Variants in SAMD5 observed in about 807,000 individuals in gnomAD.
SAMD5 encodes the protein sterile alpha motif domain containing 5, also known as sterile alpha motif domain-containing protein 5.
SAMD5 carries 13 observed loss-of-function variants against 11.3 expected under a neutral mutation model. The ratio of observed to expected loss-of-function variants is 1.15; its 90% CI spans 0.75 to 1.83. The LOEUF is 1.83. Among genes scored for constraint, SAMD5 ranks in the 40% most tolerant of loss-of-function variants. SAMD5 has a pLI of 0.00. For synonymous variants in SAMD5, 129 were observed against 111.3 expected (o/e 1.16, Z -1.00); for missense variants, 255 against 239.1 (o/e 1.07, Z -0.44).
chr6:147,886,861 C>T, the SAMD5 span, among the ~76,000 whole-genome samples: 7 of 152,262 alleles, frequency 4.6e-5, no homozygotes, highest in South Asian at 6.2e-4. Context: ...TTAAAGCTCC[C>T]AGCCCTACAG....
chr6:147,685,552 C>T (rs1366765837), intron 1 of SAMD5, among the ~76,000 whole-genome samples: 2 of 152,176 alleles, frequency 1.3e-5, no homozygotes, highest in Non-Finnish European at 2.9e-5. Context: ...CCACTTTCTT[C>T]ATTTACATGG....
At chr6:147,722,677 G>A (rs1791572462) in intron 1 of SAMD5, among the ~76,000 whole-genome samples, 1 of 152,206 alleles carries the variant, frequency 6.6e-6, no homozygotes, top group South Asian at 2.1e-4. Flanking sequence ...GGAACTTAAT[G>A]AAGACAAAGG....
the SAMD5 span, among the ~76,000 whole-genome samples, chr6:147,788,057 C>G: frequency 2.0e-5 from 3 of 152,156 alleles, no homozygotes; most frequent in African/African-American, 7.2e-5. Context: ...GATGTCAACC[C>G]AAACAGCTGA....
At chr6:147,586,009 C>T (rs578100976) in intron 1 of SAMD5, among the ~76,000 whole-genome samples, 1 of 152,090 alleles carries the variant, frequency 6.6e-6, no homozygotes, top group East Asian at 1.9e-4. Context: ...TGGGTCACAT[C>T]AAAGAATAAG....
At chr6:147,611,358 G>A (rs1480895125) in intron 1 of SAMD5, among the ~76,000 whole-genome samples, 5 of 152,054 alleles carry the variant, frequency 3.3e-5, no homozygotes, top group East Asian at 1.9e-4. Flanking sequence ...GATTACCTGA[G>A]GCCAGGAGTT....
chr6:147,833,414 T>A, the SAMD5 span, among the ~76,000 whole-genome samples: 1 of 152,230 alleles, frequency 6.6e-6, no homozygotes, highest in East Asian at 1.9e-4. Context: ...TAAGATTGTG[T>A]ATTTCAGACA....
At position 147,567,886 on chromosome 6, in the gene SAMD5, A is replaced by G. The variant is rs1299580652; in HGVS notation, c.*3430A>G. 2 of 985,466 alleles carry G rather than the reference A, an allele frequency of 2.0e-6. No individual in the cohort carries two copies. Among genetic ancestry groups the G allele is most frequent in the Non-Finnish European group, 2.4e-6 (2 of 830,074 alleles). 61.0% of individuals were successfully genotyped at this position (985,466 alleles called of 1,614,324 possible). The stretch of plus-strand genomic sequence containing the variant: ...GAATTTGATTTAAGGAAACAATAAC[A>G]CTCCATCCTGGGCAACAGAGCAAGA... On this transcript the variant is annotated 3_prime_UTR_variant, in exon 2 of 2. Transcript: ENST00000367474.
At chr6:147,922,539 T>G in the SAMD5 span, among the ~76,000 whole-genome samples, 2 of 152,184 alleles carry the variant, frequency 1.3e-5, no homozygotes, top group African/African-American at 2.4e-5. Flanking sequence ...TTAGAATCCT[T>G]ACTAAAATAT....
chr6:147,709,784 A>ATAAAAATTCTAACTAC (rs1791371592), intron 1 of SAMD5, among the ~76,000 whole-genome samples: 1 of 152,216 alleles, frequency 6.6e-6, no homozygotes, highest in African/African-American at 2.4e-5. Context: ...AGAGGAGATA[A>ATAAAAATTCTAACTAC]TAAAAATTCT....
At chr6:147,815,319 C>A in the SAMD5 span, among the ~76,000 whole-genome samples, 3 of 152,132 alleles carry the variant, frequency 2.0e-5, no homozygotes, top group East Asian at 3.9e-4. Context: ...ATGTGCCAGG[C>A]GATGTGCTGG....
At chr6:147,609,146 A>G (rs553330104) in intron 1 of SAMD5, among the ~76,000 whole-genome samples, 2 of 152,178 alleles carry the variant, frequency 1.3e-5, no homozygotes, top group East Asian at 3.9e-4. Flanking sequence ...AGTACCTCCA[A>G]ATATGTTCTT....
chr6:147,740,802 T>C (rs1045598463), downstream of SAMD5, among the ~76,000 whole-genome samples: 1 of 152,200 alleles, frequency 6.6e-6, no homozygotes, highest in South Asian at 2.1e-4. Flanking sequence ...TAATGTACCA[T>C]GTGACCCTCC....
intron 1 of SAMD5, among the ~76,000 whole-genome samples, chr6:147,595,935 T>C (rs1789525481): frequency 6.6e-6 from 1 of 152,146 alleles, no homozygotes; most frequent in Non-Finnish European, 1.5e-5. Flanking sequence ...TCCGTATTAG[T>C]ATTACTCTTA....
chr6:147,724,882 TA>T, intron 1 of SAMD5, among the ~76,000 whole-genome samples: 1 of 152,290 alleles, frequency 6.6e-6, no homozygotes, highest in East Asian at 1.9e-4. Context: ...AGTTTACTGC[TA>T]ATTTCAGACA....
the SAMD5 span, among the ~76,000 whole-genome samples, chr6:147,880,267 CCT>C: frequency 1.3e-3 from 188 of 147,742 alleles, no homozygotes; most frequent in Non-Finnish European, 1.4e-3. Context: ...CAAGTCAGTT[CCT>C]CTCTCTCTCT....
At chr6:147,883,080 A>G in the SAMD5 span, among the ~76,000 whole-genome samples, 1 of 152,236 alleles carries the variant, frequency 6.6e-6, no homozygotes, top group Non-Finnish European at 1.5e-5. Context: ...TCTGTAAATT[A>G]CATGTAAATG....
At chr6:147,802,227 A>AT in the SAMD5 span, among the ~76,000 whole-genome samples, 3 of 152,156 alleles carry the variant, frequency 2.0e-5, no homozygotes, top group Non-Finnish European at 4.4e-5. Flanking sequence ...AAAATACCTG[A>AT]TTTTTTTCAA....
the SAMD5 span, among the ~76,000 whole-genome samples, chr6:147,755,982 A>C: frequency 6.6e-6 from 1 of 152,138 alleles, no homozygotes; most frequent in South Asian, 2.1e-4. Flanking sequence ...GCCATTTCTC[A>C]AGAGCATTTT....
the SAMD5 span, among the ~76,000 whole-genome samples, chr6:147,816,280 C>CAAAAAAAAAAAAAAAA: frequency 7.9e-5 from 1 of 12,724 alleles, no homozygotes; most frequent in African/African-American, 4.4e-4. Flanking sequence ...AACTCCGTCT[C>CAAAAAAAAAAAAAAAA]CAAAAAAAAA....
Sources: allele counts gnomAD v4.1 joint callset (sites outside exome capture counted in the v4.1 genomes callset), GRCh38; gene constraint gnomAD v4.1.1; transcripts MANE v1.5; gene names NCBI Gene and HGNC (gene_info 2026-07-23, HGNC 2026-07-21).